Variants in CACNA1E observed in about 807,000 individuals in gnomAD.
CACNA1E encodes the protein voltage-dependent R-type calcium channel subunit alpha-1E.
Under a neutral mutation model 259.2 loss-of-function variants are expected in CACNA1E, and 40 were observed. The observed-to-expected ratio is 0.15, with a 90% CI of 0.12 to 0.20. CACNA1E has a LOEUF of 0.20. CACNA1E is among the 10% of genes least tolerant of loss of function. The probability of loss-of-function intolerance (pLI) is 1.00; values close to 1 mark genes in which losing one functional copy is unlikely to be tolerated. For missense variants in CACNA1E, 1,874 were observed against 3,040.1 expected (o/e 0.62, Z 9.02); for synonymous variants, 1,104 against 1,138.5 (o/e 0.97, Z 0.61).
chr1:181,770,861 A>G (rs955111085), intron 35 of CACNA1E, among the ~76,000 whole-genome samples: 8 of 152,176 alleles, frequency 5.3e-5, no homozygotes, highest in African/African-American at 1.7e-4. Flanking sequence ...TCTTCTTGCA[A>G]ATCTGAATGC....
intron 1 of CACNA1E, among the ~76,000 whole-genome samples, chr1:181,383,252 G>A (rs1215503400): frequency 6.6e-6 from 1 of 152,128 alleles, no homozygotes; most frequent in Non-Finnish European, 1.5e-5. Context: ...ATTCCCCACA[G>A]CCCCACTTGC....
intron 1 of CACNA1E, among the ~76,000 whole-genome samples, chr1:181,336,918 T>G (rs1341844741): frequency 9.0e-6 from 1 of 111,478 alleles, no homozygotes; most frequent in Non-Finnish European, 2.0e-5. Flanking sequence ...TTATATTACA[T>G]CTATATAATG....
chr1:181,600,962 C>A (rs1653682571), intron 6 of CACNA1E, among the ~76,000 whole-genome samples: 1 of 152,186 alleles, frequency 6.6e-6, no homozygotes, highest in Non-Finnish European at 1.5e-5. Flanking sequence ...ATTAGCACTG[C>A]AGTAGGTCTA....
intron 1 of CACNA1E, among the ~76,000 whole-genome samples, chr1:181,392,173 C>T (rs1656346228): frequency 6.6e-6 from 1 of 152,168 alleles, no homozygotes; most frequent in Non-Finnish European, 1.5e-5. Context: ...TTTAATCTGG[C>T]ATTAAAGCCT....
intron 6 of CACNA1E, among the ~76,000 whole-genome samples, chr1:181,583,391 TAA>T (rs1252029891): frequency 1.3e-5 from 2 of 152,268 alleles, no homozygotes; most frequent in East Asian, 3.9e-4. Flanking sequence ...TGAAGAGCAC[TAA>T]GAGAGGGGGA....
Position 181,737,556 on chromosome 1 carries a change from C to A in CACNA1E, c.3454C>A (p.Leu1152Met). ...IRRACHYIVN[L>M]RYFEMCILLV... Reference sequence around the variant, plus strand: ...GAGGGCCTGCCACTACATCGTGAACCTGCGCTACTTTGAGATGTGCATCCT... The same window carrying A: ...GAGGGCCTGCCACTACATCGTGAACATGCGCTACTTTGAGATGTGCATCCT... The change falls in exon 23 of 48, where the codon CTG becomes ATG. Residue 1152 changes from leucine (L) to methionine (M), a missense_variant. This residue lies in a region of CACNA1E where 56 missense variants were observed against 97.4 expected (regional missense o/e 0.57). Coordinates refer to ENST00000367573, the MANE Select transcript of CACNA1E (RefSeq NM_001205293.3). 6.2e-7 allele frequency: 1 copy of A among 1,614,036 alleles called. No homozygotes were observed. Among genetic ancestry groups the A allele is most frequent in the Non-Finnish European group, 8.5e-7 (1 of 1,179,894 alleles).
intron 1 of CACNA1E, among the ~76,000 whole-genome samples, chr1:181,501,936 GT>G (rs1210874516): frequency 6.6e-6 from 1 of 152,152 alleles, no homozygotes. Context: ...AAGGGGTTTG[GT>G]TTTTTAGTCT....
intron 1 of CACNA1E, among the ~76,000 whole-genome samples, chr1:181,491,368 C>A (rs948707829): frequency 1.3e-5 from 2 of 152,262 alleles, no homozygotes; most frequent in African/African-American, 4.8e-5. Context: ...CTACCCCCCA[C>A]TCCCAGAGTT....
chr1:181,608,335 G>A (rs777592214), intron 6 of CACNA1E, among the ~76,000 whole-genome samples: 10 of 152,226 alleles, frequency 6.6e-5, no homozygotes, highest in Non-Finnish European at 1.3e-4. Context: ...AGAAAGGCTG[G>A]AGAATACCTA....
chr1:181,372,693 C>A (rs910029496), intron 1 of CACNA1E, among the ~76,000 whole-genome samples: 1 of 151,990 alleles, frequency 6.6e-6, no homozygotes, highest in East Asian at 1.9e-4. Flanking sequence ...ATGGGGAATG[C>A]GTCCAGCTTT....
At chr1:181,462,177 T>C (rs1417557134) in intron 2 of CACNA1E, among the ~76,000 whole-genome samples, 1 of 152,214 alleles carries the variant, frequency 6.6e-6, no homozygotes, top group Non-Finnish European at 1.5e-5. Context: ...TACAAAAAGA[T>C]TGTAGTTTTT....
intron 3 of CACNA1E, among the ~76,000 whole-genome samples, chr1:181,560,838 A>G (rs1171260925): frequency 6.6e-6 from 1 of 152,234 alleles, no homozygotes; most frequent in Admixed American, 6.5e-5. Context: ...AAGCAACCCA[A>G]GTGTTCACTG....
rs768308084 is a variant in CACNA1E at position 181,733,741 on chromosome 1, G to A, written c.3253G>A (p.Val1085Met). Reference protein sequence around the residue: ...PDVDPLVDSTVVHISNKTDGE... With the variant: ...PDVDPLVDSTMVHISNKTDGE... Reference sequence around the variant, plus strand: ...CGTGGACCCCTTGGTGGACTCAACCGTGGTGCACAGTGAGAGCACAGTCCC... The same window carrying A: ...CGTGGACCCCTTGGTGGACTCAACCATGGTGCACAGTGAGAGCACAGTCCC... Residue 1085 changes from valine to methionine, a missense_variant, in exon 21 of 48, where the codon GTG becomes ATG. Physicochemically the swap from Val to Met is conservative, Grantham distance 21. This residue lies in a region of CACNA1E where 476 missense variants were observed against 514.0 expected (regional missense o/e 0.93). Coordinates refer to ENST00000367573, the MANE Select transcript of CACNA1E (RefSeq NM_001205293.3). 9 of 1,544,248 alleles carry A rather than the reference G, an allele frequency of 5.8e-6. No homozygotes were observed. The highest frequency in any genetic ancestry group is 7.0e-6 in the Non-Finnish European group (8 of 1,143,726).
chr1:181,619,893 G>T (rs982550971), intron 6 of CACNA1E, among the ~76,000 whole-genome samples: 1 of 152,100 alleles, frequency 6.6e-6, no homozygotes, highest in Non-Finnish European at 1.5e-5. Flanking sequence ...TTATTGGGGA[G>T]GGGGGAAGGA....
rs1663502830 is a variant in CACNA1E at position 181,483,630 on chromosome 1, C to A, written c.-115C>A. ...CGCGGAGCTCCCCAGAGGCGGTGGT[C>A]CCCGTGCTTGTCTGGATGCGGCTCT... is the stretch of plus-strand genomic sequence containing the variant. On this transcript the variant is annotated 5_prime_UTR_variant, in exon 1 of 48. Transcript: ENST00000367573. The A allele has an allele frequency of 3.1e-6, 2 of 637,940 alleles. No individual in the cohort carries two copies. The highest frequency in any genetic ancestry group is 2.5e-6 in the Non-Finnish European group (1 of 394,488). 39.5% of individuals were successfully genotyped at this position (637,940 alleles called of 1,614,324 possible). A position where few individuals can be genotyped will look rare whatever the true frequency, so the allele number is the denominator to read the frequency against.
At chr1:181,721,656 G>A (rs1355097462) in intron 15 of CACNA1E, 102 bp from the exon 16 acceptor site, 13 of 609,170 alleles carry the variant, frequency 2.1e-5, no homozygotes, top group Non-Finnish European at 3.9e-5. Flanking sequence ...TCAAGCAAGG[G>A]GGTAGATGCA....
intron 37 of CACNA1E, among the ~76,000 whole-genome samples, chr1:181,774,894 T>C (rs1245958821): frequency 1.3e-5 from 2 of 152,224 alleles, no homozygotes; most frequent in Non-Finnish European, 2.9e-5. Context: ...AAAGCCCAGC[T>C]AAATCTGCTT....
chr1:181,339,427 G>T (rs1011197767), intron 1 of CACNA1E, among the ~76,000 whole-genome samples: 3 of 151,508 alleles, frequency 2.0e-5, no homozygotes, highest in African/African-American at 7.3e-5. Flanking sequence ...TGATACTGTT[G>T]TTCACTTAAC....
At chr1:181,603,764 G>A (rs539426571) in intron 6 of CACNA1E, among the ~76,000 whole-genome samples, 93 of 152,240 alleles carry the variant, frequency 6.1e-4, no homozygotes, top group African/African-American at 2.2e-3. Flanking sequence ...GATAGCCTAG[G>A]ACTAATCTAT....
Sources: allele counts gnomAD v4.1 joint callset (sites outside exome capture counted in the v4.1 genomes callset), GRCh38; gene constraint gnomAD v4.1.1; regional missense constraint gnomAD v4.1.1; transcripts MANE v1.5; gene names NCBI Gene and HGNC (gene_info 2026-07-23, HGNC 2026-07-21).